ZFHX3: variants seen among roughly 807,000 people sequenced by gnomAD.
ZFHX3 encodes zinc finger homeobox protein 3.
In ZFHX3, 42 loss-of-function variants were observed where a neutral mutation model predicts 279.1. The observed-to-expected ratio is 0.15, with a 90% CI of 0.12 to 0.19. ZFHX3 has a LOEUF of 0.19. Among genes scored for constraint, ZFHX3 ranks in the 10% least tolerant of loss-of-function variants. The pLI, the probability that ZFHX3 is intolerant of heterozygous loss-of-function variation, is 1.00. For missense variants in ZFHX3, 4,981 were observed against 4,754.0 expected (o/e 1.05, Z -1.40); for synonymous variants, 2,293 against 1,957.8 (o/e 1.17, Z -4.52).
intron 3 of ZFHX3, chr16:73,401,754 G>T (rs967288977): frequency 9.2e-5 from 14 of 152,168 alleles, no homozygotes; most frequent in African/African-American, 3.4e-4. Context: ...CCTACGATTT[G>T]TCATAAACAC....
intron 8 of ZFHX3, among the ~76,000 whole-genome samples, chr16:73,065,957 C>G (rs1424574790): frequency 6.6e-6 from 1 of 152,222 alleles, no homozygotes; most frequent in East Asian, 1.9e-4. Flanking sequence ...AATTTGGAGC[C>G]CGTACTTGGT....
In ZFHX3 at chr16:73,479,677, A is replaced by G. The variant is rs528932061; in HGVS notation, c.-1546-23419T>C. 2.6e-5 allele frequency among the ~76,000 whole-genome samples: 4 copies of G among 152,220 alleles called. No individual in the cohort carries two copies. In the South Asian group the frequency reaches 8.3e-4, roughly 32 times the overall value. Reference sequence around the variant, plus strand: ...GTCATCCTGTGTCACCATGCCTCCTATATGGTGACATAGCAGGCATATGTA... The same window carrying G: ...GTCATCCTGTGTCACCATGCCTCCTGTATGGTGACATAGCAGGCATATGTA... On this transcript the variant is annotated intron_variant, in intron 2 of 17. Coordinates refer to the ZFHX3 transcript ENST00000641206.
intron 2 of ZFHX3, among the ~76,000 whole-genome samples, chr16:73,586,750 C>G (rs180760214): frequency 5.9e-5 from 9 of 152,162 alleles, no homozygotes; most frequent in Admixed American, 5.2e-4. Flanking sequence ...TATGGAGGAT[C>G]TGAAAAACAC....
intron 5 of ZFHX3, among the ~76,000 whole-genome samples, chr16:72,822,561 T>C (rs546625965): frequency 5.9e-5 from 9 of 152,284 alleles, no homozygotes; most frequent in Admixed American, 1.3e-4. Flanking sequence ...ATGATTATAA[T>C]AACAGAGGTA....
intron 3 of ZFHX3, among the ~76,000 whole-genome samples, chr16:72,920,449 G>C (rs2039555442): frequency 6.6e-6 from 1 of 152,094 alleles, no homozygotes; most frequent in South Asian, 2.1e-4. Flanking sequence ...GGGAGGCCAA[G>C]GCGGTGGATC....
At chr16:73,812,685 T>G (rs1479430940) in intron 1 of ZFHX3, 1 of 152,202 alleles carries the variant, frequency 6.6e-6, no homozygotes, top group Non-Finnish European at 1.5e-5. Flanking sequence ...CTTATTCATC[T>G]CAGTATCCTC....
chr16:73,872,605 G>C (rs976864738), intron 1 of ZFHX3, among the ~76,000 whole-genome samples: 1 of 150,866 alleles, frequency 6.6e-6, no homozygotes, highest in African/African-American at 2.4e-5. Context: ...AATAGTACAT[G>C]AATTGTCGGA....
At chr16:73,339,890 C>T (rs951967953) in intron 3 of ZFHX3, among the ~76,000 whole-genome samples, 6 of 152,166 alleles carry the variant, frequency 3.9e-5, no homozygotes, top group Non-Finnish European at 7.3e-5. Flanking sequence ...ATGACAAAAA[C>T]GATAATGGCA....
intron 3 of ZFHX3, among the ~76,000 whole-genome samples, chr16:73,356,769 C>G (rs1204520551): frequency 6.6e-6 from 1 of 151,660 alleles, no homozygotes; most frequent in Non-Finnish European, 1.5e-5. Context: ...GTTTCACTCA[C>G]GTCCTTTCAA....
chr16:73,349,659 TC>T (rs2016192631), intron 3 of ZFHX3, among the ~76,000 whole-genome samples: 5 of 18,654 alleles, frequency 2.7e-4, no homozygotes, highest in African/African-American at 5.8e-4. Flanking sequence ...TCTCCCTCCT[TC>T]CCTCTCTCCC....
intron 2 of ZFHX3, chr16:73,679,850 G>A (rs1306888792): frequency 6.6e-6 from 1 of 152,106 alleles, no homozygotes; most frequent in Non-Finnish European, 1.5e-5. Context: ...CAATCGTTCT[G>A]CTGTGGACTA....
intron 8 of ZFHX3, among the ~76,000 whole-genome samples, chr16:73,075,287 C>T (rs1229571169): frequency 6.8e-6 from 1 of 147,276 alleles, no homozygotes; most frequent in Non-Finnish European, 1.5e-5. Context: ...GCATTACAGC[C>T]TGAGCAACAA....
At chr16:72,934,681 T>G (rs989891216) in intron 3 of ZFHX3, among the ~76,000 whole-genome samples, 2 of 152,196 alleles carry the variant, frequency 1.3e-5, no homozygotes, top group Non-Finnish European at 2.9e-5. Context: ...TCATAACTCT[T>G]GTGTCCGCAT....
intron 5 of ZFHX3, among the ~76,000 whole-genome samples, chr16:73,220,912 C>A (rs918107019): frequency 1.3e-5 from 2 of 152,090 alleles, no homozygotes; most frequent in African/African-American, 2.4e-5. Flanking sequence ...TGTTTTTGTG[C>A]ATGGGAGGGA....
chr16:73,676,632 A>G (rs570451011), intron 2 of ZFHX3, among the ~76,000 whole-genome samples: 3 of 152,092 alleles, frequency 2.0e-5, no homozygotes, highest in South Asian at 4.1e-4. Context: ...ATTTATAACA[A>G]TGTACGTAAA....
upstream of ZFHX3, chr16:73,060,735 T>G (rs1284617380): frequency 6.6e-6 from 1 of 152,188 alleles, no homozygotes; most frequent in Non-Finnish European, 1.5e-5. Flanking sequence ...TTTGAAGGCA[T>G]TATTAGTAAA....
intron 3 of ZFHX3, among the ~76,000 whole-genome samples, chr16:73,382,442 A>T (rs1469878274): frequency 1.3e-5 from 2 of 152,218 alleles, no homozygotes; most frequent in African/African-American, 4.8e-5. Flanking sequence ...AGAAAAATGA[A>T]CAAAGGGTAT....
At chr16:73,452,825 T>G (rs1049028468) in intron 3 of ZFHX3, among the ~76,000 whole-genome samples, 5 of 152,236 alleles carry the variant, frequency 3.3e-5, no homozygotes, top group Non-Finnish European at 5.9e-5. Flanking sequence ...TATTACAAAG[T>G]GCTGCCTTCC....
intron 5 of ZFHX3, among the ~76,000 whole-genome samples, chr16:73,244,734 T>C (rs1050271415): frequency 1.3e-5 from 2 of 152,082 alleles, no homozygotes; most frequent in African/African-American, 4.8e-5. Flanking sequence ...GCCACCAGCT[T>C]GAGGAAGGAC....
Sources: gnomAD v4.1 joint callset for allele counts (sites outside exome capture counted in the v4.1 genomes callset) on GRCh38, gnomAD v4.1.1 for gene constraint, MANE v1.5 for transcripts, NCBI Gene and HGNC (gene_info 2026-07-23, HGNC 2026-07-21) for gene names.